MESP1: variants seen among roughly 807,000 people sequenced by gnomAD.
MESP1 encodes the protein mesoderm posterior bHLH transcription factor 1, also known as mesoderm posterior protein 1.
Under a neutral mutation model 15.2 loss-of-function variants are expected in MESP1, and 22 were observed. That is an observed-to-expected ratio of 1.45 (90% CI 1.04 to 2.07). MESP1 has a LOEUF of 2.07. MESP1 is among the 30% of genes most tolerant of loss of function. The pLI, the probability that MESP1 is intolerant of heterozygous loss-of-function variation, is 0.00. For missense variants in MESP1, 484 were observed against 411.9 expected (o/e 1.17, Z -1.51); for synonymous variants, 216 against 192.6 (o/e 1.12, Z -1.01).
the MESP1 span, among the ~76,000 whole-genome samples, chr15:89,736,748 G>C: frequency 6.6e-6 from 1 of 152,020 alleles, no homozygotes; most frequent in East Asian, 1.9e-4. Flanking sequence ...TGTGGGGAGG[G>C]GAAAGTGGTG....
chr15:89,747,990 T>C (rs963238308), downstream of MESP1, among the ~76,000 whole-genome samples: 1 of 152,160 alleles, frequency 6.6e-6, no homozygotes. Context: ...TCTCCAGTCC[T>C]GAGTCTGGGC....
At position 89,750,979 on chromosome 15, in the gene MESP1, G is replaced by T. The variant is rs1303276920; in HGVS notation, c.253C>A (p.Gln85Lys). 5 of 1,414,350 alleles carry T rather than the reference G, an allele frequency of 3.5e-6. No individual in the cohort carries two copies. Among genetic ancestry groups the T allele is most frequent in the African/African-American group, 1.5e-5 (1 of 66,950 alleles). The allele number at this position is 1,414,350 out of a possible 1,614,324, so 87.6% of individuals were successfully genotyped here. A position where few individuals can be genotyped will look rare whatever the true frequency, so the allele number is the denominator to read the frequency against. ...RSSRLGSGQR[Q>K]SASEREKLRM... ...AGTTTCTCCCGCTCACTGGCGCTCT[G>T]CCTCTGCCCGCTGCCCAGGCGGCTG... is the stretch of plus-strand genomic sequence containing the variant. The change falls in exon 1 of 2, where the codon CAG (glutamine) becomes AAG (lysine). Residue 85 changes from glutamine to lysine, a missense_variant. Gln to Lys is a moderately conservative substitution (Grantham distance 53). Coordinates refer to ENST00000300057, the MANE Select transcript of MESP1 (RefSeq NM_018670.4).
chr15:89,738,063 G>A, the MESP1 span: 111 of 1,612,490 alleles, frequency 6.9e-5, no homozygotes, highest in African/African-American at 4.0e-4. Flanking sequence ...ATGAAACTGC[G>A]TCCACCGACG....
the MESP1 span, chr15:89,737,868 C>T: frequency 3.7e-6 from 5 of 1,367,570 alleles, no homozygotes; most frequent in Non-Finnish European, 5.0e-6. Context: ...CAGCTCAGTC[C>T]TCACAGGGCA....
downstream of MESP1, among the ~76,000 whole-genome samples, chr15:89,747,147 C>CACAG (rs1203441509): frequency 2.8e-5 from 4 of 145,146 alleles, no homozygotes; most frequent in African/African-American, 1.0e-4. Flanking sequence ...CACACACACA[C>CACAG]CCCTACCTTG....
At chr15:89,733,023 G>A in the MESP1 span, 10 of 1,613,974 alleles carry the variant, frequency 6.2e-6, no homozygotes, top group South Asian at 1.1e-5. Flanking sequence ...TCTTGGGGTC[G>A]CTGCTCTTCC....
the MESP1 span, among the ~76,000 whole-genome samples, chr15:89,736,433 A>G: frequency 3.3e-5 from 5 of 152,190 alleles, no homozygotes; most frequent in South Asian, 1.0e-3. Context: ...AGTTAGTGAG[A>G]GGTGGTTGAA....
downstream of MESP1, among the ~76,000 whole-genome samples, chr15:89,745,990 C>CACATCCACACCTCCAT (rs1967936305): frequency 2.0e-5 from 3 of 149,426 alleles, no homozygotes; most frequent in Non-Finnish European, 4.5e-5. This position sits in a 1 kb window ranked among gnomAD's most constrained non-coding sequence, Gnocchi z 4.8. Context: ...CACACCTCCA[C>CACATCCACACCTCCAT]GCATACACAC....
downstream of MESP1, among the ~76,000 whole-genome samples, chr15:89,747,846 G>A (rs758373301): frequency 4.6e-5 from 7 of 152,336 alleles, no homozygotes; most frequent in East Asian, 7.7e-4. Context: ...CACCCGGCAC[G>A]GGGCGCCTAC....
At chr15:89,743,203 G>A in the MESP1 span, 105 of 1,286,284 alleles carry the variant, frequency 8.2e-5, no homozygotes, top group African/African-American at 1.4e-3. Context: ...TTTCTCATAG[G>A]AGCACAGGGT....
Position 89,751,061 on chromosome 15 carries a change from C to T in MESP1, c.171G>A (p.Arg57=), listed in dbSNP as rs1968088844. 5 of 1,323,622 alleles carry T rather than the reference C, an allele frequency of 3.8e-6. No homozygotes were observed. Among genetic ancestry groups the T allele is most frequent in the Non-Finnish European group, 4.8e-6 (5 of 1,042,330 alleles). The allele number at this position is 1,323,622 out of a possible 1,614,324, so 82.0% of individuals were successfully genotyped here. The part of the protein sequence containing the change: ...PADSPVASPA[R]PGTLRDPRAP... ...CGCGGGGGTCCCGGAGGGTGCCTGG[C>T]CGCGCGGGGCTCGCCACGGGGCTGT... is the stretch of plus-strand genomic sequence containing the variant. The change falls in exon 1 of 2, where the codon CGG becomes CGA. Residue 57 remains arginine, a synonymous_variant. Coordinates refer to ENST00000300057, the MANE Select transcript of MESP1 (RefSeq NM_018670.4).
chr15:89,738,070 G>A, the MESP1 span: 61 of 1,613,098 alleles, frequency 3.8e-5, no homozygotes, highest in Middle Eastern at 1.6e-4. Flanking sequence ...TGCGTCCACC[G>A]ACGATGCTGG....
chr15:89,750,496 A>C lies in MESP1; in HGVS notation c.723+13T>G, dbSNP rs1356093502. The C allele has an allele frequency of 2.0e-6, 3 of 1,491,692 alleles. No homozygotes were observed. The highest frequency in any genetic ancestry group is 4.4e-5 in the Admixed American group (2 of 45,136). The allele number at this position is 1,491,692 out of a possible 1,614,324, so 92.4% of individuals were successfully genotyped here. ...GGCACGGACGAAGGGGGCGCGGGGA[A>C]GGGGACACTAACCGGGGACGGTGGG... On this transcript the variant is annotated intron_variant, in intron 1 of 1. Transcript: ENST00000300057.
rs1475348968 is a variant in MESP1, at chr15:89,751,240, C to A, written c.-9G>T. 4 of 1,234,030 alleles carry A rather than the reference C, an allele frequency of 3.2e-6. No individual in the cohort carries two copies. The highest frequency in any genetic ancestry group is 4.0e-6 in the Non-Finnish European group (4 of 989,492). The allele number at this position is 1,234,030 out of a possible 1,614,324, so 76.4% of individuals were successfully genotyped here. ...CACAGGGGCTGGGCCATGGCAGCGG[C>A]GGCGCGTCTGGGGGCCGGCGGCCGG... is the stretch of plus-strand genomic sequence containing the variant. On this transcript the variant is annotated 5_prime_UTR_variant, in exon 1 of 2. Coordinates refer to ENST00000300057, the MANE Select transcript of MESP1 (RefSeq NM_018670.4).
intron 1 of MESP1, 89 bp from the exon 2 acceptor site, chr15:89,750,316 C>A: frequency 1.3e-6 from 2 of 1,575,484 alleles, no homozygotes; most frequent in South Asian, 1.1e-5. Flanking sequence ...TCAGGGGGCC[C>A]CTAGCGAGGG....
rs281865535 is a variant in MESP1 at position 89,750,875 on chromosome 15, G to A, written c.357C>T (p.Ser119=). ...GGCGCAGCGTCTCGATCTTGGTCAG[G>A]CTCTGGCCCGCGGGCGCCACGGACG... is the stretch of plus-strand genomic sequence containing the variant. ...LPPSVAPAGQ[S]LTKIETLRLA... Residue 119 remains serine (S), a synonymous_variant, in exon 1 of 2, where the codon AGC becomes AGT. Coordinates refer to ENST00000300057, the MANE Select transcript of MESP1 (RefSeq NM_018670.4). 1.1e-5 allele frequency: 17 copies of A among 1,511,916 alleles called. No homozygotes were observed. The African/African-American group carries it at 2.0e-4, about 18-fold the overall frequency. The allele number at this position is 1,511,916 out of a possible 1,614,324, so 93.7% of individuals were successfully genotyped here.
the MESP1 span, among the ~76,000 whole-genome samples, chr15:89,739,196 T>A: frequency 6.6e-6 from 1 of 152,066 alleles, no homozygotes; most frequent in East Asian, 1.9e-4. Context: ...CTGTGGGCCA[T>A]ATCCAGTCCA....
the MESP1 span, among the ~76,000 whole-genome samples, chr15:89,736,514 C>A: frequency 7.2e-5 from 11 of 152,060 alleles, no homozygotes; most frequent in African/African-American, 2.4e-4. Flanking sequence ...ATGGGCACTA[C>A]CATCACTTAC....
downstream of MESP1, among the ~76,000 whole-genome samples, chr15:89,745,742 C>T (rs527940168): frequency 9.9e-5 from 15 of 151,806 alleles, no homozygotes; most frequent in African/African-American, 2.4e-4. The surrounding 1 kb of genome is among the most constrained non-coding windows in gnomAD (Gnocchi z 4.8). Context: ...CCAGCCTGGG[C>T]GAAAGAGCGA....
Sources: gnomAD v4.1 joint callset for allele counts (sites outside exome capture counted in the v4.1 genomes callset) on GRCh38, gnomAD v4.1.1 for gene constraint, Gnocchi (gnomAD v3.1) non-coding constraint, MANE v1.5 for transcripts, NCBI Gene and HGNC (gene_info 2026-07-23, HGNC 2026-07-21) for gene names.